The following SS18L1 variants were observed in gnomAD, a reference collection of about 807,000 sequenced individuals.
The protein encoded by SS18L1 is SS18L1 subunit of BAF chromatin remodeling complex.
A neutral mutation model predicts 70.3 loss-of-function variants in SS18L1; 32 were observed. The ratio of observed to expected loss-of-function variants is 0.46; its 90% CI spans 0.34 to 0.61. The LOEUF (loss-of-function observed/expected upper bound fraction) is 0.61. Among genes scored for constraint, SS18L1 ranks in the 20% least tolerant of loss-of-function variants. The pLI is 0.01. For synonymous variants in SS18L1, 237 were observed against 229.7 expected (o/e 1.03, Z -0.29); for missense variants, 430 against 542.1 (o/e 0.79, Z 2.05).
At chr20:62,151,858 CCG>C in intron 1 of SS18L1, among the ~76,000 whole-genome samples, 3 of 144,378 alleles carry the variant, frequency 2.1e-5, no homozygotes, top group African/African-American at 5.2e-5. Context: ...CCCTCTTTTC[CCG>C]CTCCCCAGAG....
At chr20:62,173,378 A>C (rs1033740595) in intron 9 of SS18L1, among the ~76,000 whole-genome samples, 3 of 152,262 alleles carry the variant, frequency 2.0e-5, no homozygotes, top group Non-Finnish European at 4.4e-5. Context: ...TGCTGTGCTT[A>C]TTCAGCCCTT....
chr20:62,171,569 T>C (rs916457817), intron 8 of SS18L1, among the ~76,000 whole-genome samples: 1 of 152,212 alleles, frequency 6.6e-6, no homozygotes, highest in Non-Finnish European at 1.5e-5. Flanking sequence ...TAACTACAGA[T>C]TGAATTACCC....
intron 1 of SS18L1, among the ~76,000 whole-genome samples, chr20:62,156,494 T>TA (rs912876271): frequency 6.6e-6 from 1 of 151,754 alleles, no homozygotes. Context: ...AGAAAAGTGG[T>TA]AAAGAGTGGA....
intron 10 of SS18L1, among the ~76,000 whole-genome samples, chr20:62,176,382 G>A (rs988290717): frequency 5.3e-5 from 8 of 152,098 alleles, no homozygotes; most frequent in Non-Finnish European, 1.0e-4. Flanking sequence ...GCATGGTGGT[G>A]CATGCCTGTA....
chr20:62,171,324 A>G (rs537292690), intron 8 of SS18L1, among the ~76,000 whole-genome samples: 163 of 152,290 alleles, frequency 1.1e-3, no homozygotes, highest in African/African-American at 3.8e-3. Context: ...GATGGCTTTC[A>G]TGGGGGCAGG....
In SS18L1 at chr20:62,165,494, C is replaced by T. The variant is rs765785340; in HGVS notation, c.896C>T (p.Thr299Met). Residue 299 changes from threonine to methionine, a missense_variant, in exon 8 of 11, where the codon ACG becomes ATG. Transcript: ENST00000331758. Reference protein sequence around the residue: ...QSYDRSFEESTQHYYEGGNSQ... With the variant: ...QSYDRSFEESMQHYYEGGNSQ... Reference sequence around the variant, plus strand: ...TACGACCGGTCCTTCGAGGAGTCCACGCAGCACTACTATGAGGGGGGTAAG... The same window carrying T: ...TACGACCGGTCCTTCGAGGAGTCCATGCAGCACTACTATGAGGGGGGTAAG... The T allele has an allele frequency of 5.0e-6, 8 of 1,612,510 alleles. No homozygotes were observed. The highest frequency in any genetic ancestry group is 1.3e-5 in the African/African-American group (1 of 75,028).
rs60991008 is a variant in SS18L1, at chr20:62,161,393, G to A, written c.232-43G>A. ...GCCTGGCTTGTGGAGGTCGCTCTCC[G>A]TAAATTAACCGTTTTTCCCTGAAAA... On this transcript the variant is annotated intron_variant, in intron 3 of 10. Transcript: ENST00000331758. This position sits in a 1 kb window ranked among gnomAD's most constrained non-coding sequence, Gnocchi z 4.4. 87,129 of 1,612,178 alleles carry A rather than the reference G, an allele frequency of 0.054. 3,042 individuals carry two copies. Among genetic ancestry groups the A allele is most frequent in the African/African-American group, 0.16 (12,070 of 74,856 alleles).
Position 62,179,472 on chromosome 20 carries a change from C to T in SS18L1, c.*264C>T, listed in dbSNP as rs2057676139. 1.3e-5 allele frequency: 7 copies of T among 525,700 alleles called. No individual in the cohort carries two copies. The highest frequency in any genetic ancestry group is 4.6e-5 in the South Asian group (2 of 43,588). The allele number at this position is 525,700 out of a possible 1,614,324, so 32.6% of individuals were successfully genotyped here. On this transcript the variant is annotated 3_prime_UTR_variant, in exon 11 of 11. Coordinates refer to ENST00000331758, the MANE Select transcript of SS18L1 (RefSeq NM_198935.3). ...GGAGAGGTATCCTTTTTTTGTCCCC[C>T]GCCCCCTTCTCAATGTTTCTAGCTA... is the stretch of plus-strand genomic sequence containing the variant.
In SS18L1 at chr20:62,182,451, TG is replaced by T. The variant is rs2057729182; in HGVS notation, c.*3244del. The T allele has an allele frequency of 5.2e-6, 1 of 191,374 alleles. No homozygotes were observed. Among genetic ancestry groups the T allele is most frequent in the Non-Finnish European group, 1.1e-5 (1 of 91,264 alleles). 11.9% of individuals were successfully genotyped at this position (191,374 alleles called of 1,614,324 possible). A position where few individuals can be genotyped will look rare whatever the true frequency, so the allele number is the denominator to read the frequency against. Reference sequence around the variant, plus strand: ...ACGTATAAATTGTTTATGCTTTTGGTGTAATCTCTTAATAAACTGGTTCTTC... The same window carrying T: ...ACGTATAAATTGTTTATGCTTTTGGTTAATCTCTTAATAAACTGGTTCTTC... On this transcript the variant is annotated 3_prime_UTR_variant, in exon 11 of 11. Transcript: ENST00000331758.
chr20:62,164,350 C>T, intron 7 of SS18L1, 104 bp downstream of exon 7: 1 of 1,168,748 alleles, frequency 8.6e-7, no homozygotes, highest in South Asian at 1.5e-5. Context: ...AGTGTGTCCT[C>T]AGTCATTCCA....
Position 62,182,050 on chromosome 20 carries a change from C to T in SS18L1, c.*2842C>T, listed in dbSNP as rs2057718984. 4.4e-6 allele frequency: 1 copy of T among 229,396 alleles called. No homozygotes were observed. The highest frequency in any genetic ancestry group is 1.8e-4 in the South Asian group (1 of 5,494). The allele number at this position is 229,396 out of a possible 1,614,324, so 14.2% of individuals were successfully genotyped here. A position where few individuals can be genotyped will look rare whatever the true frequency, so the allele number is the denominator to read the frequency against. The stretch of plus-strand genomic sequence containing the variant: ...TTGTTGTTGAATCAACAGTACTCAG[C>T]ATATTAAAACAGTACATCAGAACTC... On this transcript the variant is annotated 3_prime_UTR_variant, in exon 11 of 11. Coordinates refer to ENST00000331758, the MANE Select transcript of SS18L1 (RefSeq NM_198935.3).
intron 10 of SS18L1, among the ~76,000 whole-genome samples, chr20:62,177,193 C>T (rs2057633945): frequency 6.6e-6 from 1 of 151,676 alleles, no homozygotes. Context: ...CAGAGGCGGG[C>T]GGGAGCAGAT....
At chr20:62,157,051 C>T (rs982767718) in intron 1 of SS18L1, among the ~76,000 whole-genome samples, 6 of 152,106 alleles carry the variant, frequency 3.9e-5, no homozygotes, top group Non-Finnish European at 8.8e-5. Flanking sequence ...CCCCCTCTCT[C>T]CTCTCTCGCC....
intron 8 of SS18L1, among the ~76,000 whole-genome samples, chr20:62,169,549 C>A (rs980634987): frequency 6.6e-6 from 1 of 152,086 alleles, no homozygotes; most frequent in South Asian, 2.1e-4. Flanking sequence ...GAGGCTGAGG[C>A]GGGTGGATCA....
chr20:62,171,907 A>T (rs1043110742), intron 8 of SS18L1, among the ~76,000 whole-genome samples: 1 of 152,168 alleles, frequency 6.6e-6, no homozygotes, highest in Non-Finnish European at 1.5e-5. Context: ...TCACGCCTGT[A>T]ATCCTAGCAC....
In SS18L1 at chr20:62,182,271, CTG is replaced by C. The variant is rs1342608932; in HGVS notation, c.*3065_*3066del. The C allele has an allele frequency of 4.1e-5, 9 of 218,376 alleles. No individual in the cohort carries two copies. In the East Asian group the frequency reaches 4.7e-4, roughly 11 times the overall value. 13.5% of individuals were successfully genotyped at this position (218,376 alleles called of 1,614,324 possible). A position where few individuals can be genotyped will look rare whatever the true frequency, so the allele number is the denominator to read the frequency against. Reference sequence around the variant, plus strand: ...GTGAATAGGGGGCACCCCTTCAAAACTGTACAAAGAAGACGACTGTTTTCCAT... The same window carrying C: ...GTGAATAGGGGGCACCCCTTCAAAACTACAAAGAAGACGACTGTTTTCCAT... On this transcript the variant is annotated 3_prime_UTR_variant, in exon 11 of 11. Coordinates refer to ENST00000331758, the MANE Select transcript of SS18L1 (RefSeq NM_198935.3).
At chr20:62,155,664 C>T (rs144315170) in intron 1 of SS18L1, among the ~76,000 whole-genome samples, 169 of 152,272 alleles carry the variant, frequency 1.1e-3, no homozygotes, top group African/African-American at 3.8e-3. Context: ...TTCCTGGAGA[C>T]GCCCCCTCCT....
chr20:62,176,312 G>C (rs916518304), intron 10 of SS18L1, among the ~76,000 whole-genome samples: 1 of 152,190 alleles, frequency 6.6e-6, no homozygotes, highest in African/African-American at 2.4e-5. Context: ...GAGCCCAGGA[G>C]TTTGAGACCA....
At chr20:62,171,163 A>G (rs1351436854) in intron 8 of SS18L1, among the ~76,000 whole-genome samples, 1 of 152,030 alleles carries the variant, frequency 6.6e-6, no homozygotes, top group East Asian at 1.9e-4. Flanking sequence ...CGGCCTCCCA[A>G]AGTGCTGGGA....
Sources: allele counts gnomAD v4.1 joint callset (sites outside exome capture counted in the v4.1 genomes callset), GRCh38; gene constraint gnomAD v4.1.1; non-coding constraint Gnocchi (gnomAD v3.1); transcripts MANE v1.5; gene names NCBI Gene and HGNC (gene_info 2026-07-23, HGNC 2026-07-21).